Variants in FCAR observed in about 807,000 individuals in gnomAD.
FCAR encodes the protein immunoglobulin alpha Fc receptor.
FCAR carries 21 observed loss-of-function variants against 27.1 expected under a neutral mutation model. The ratio of observed to expected loss-of-function variants is 0.77; its 90% CI spans 0.55 to 1.11. The LOEUF is 1.11. Ranked by LOEUF, FCAR falls within the 50% of genes most tolerant of loss-of-function variation. The pLI is 0.00. For synonymous variants in FCAR, 134 were observed against 135.8 expected (o/e 0.99, Z 0.09); for missense variants, 404 against 358.4 (o/e 1.13, Z -1.03).
intron 3 of FCAR, 62 bp from the exon 4 acceptor site, chr19:54,887,945 A>G: frequency 7.7e-7 from 1 of 1,290,600 alleles, no homozygotes; most frequent in South Asian, 1.5e-5. Flanking sequence ...TAACAATAAT[A>G]AGAAGAAGAA....
chr19:54,879,644 G>T (rs117707182), intron 2 of FCAR, among the ~76,000 whole-genome samples: 1,999 of 151,110 alleles, frequency 0.013, 25 homozygotes, highest in Middle Eastern at 0.048. Context: ...CTTTGTAGGT[G>T]ACCTGCCCCT....
chr19:54,889,797 G>A lies in FCAR; in HGVS notation c.798G>A (p.Pro266=), dbSNP rs1238830290. ...AAGCCTCGGCAGATGTGGCTGAACC[G>A]AGCTGGAGCCAACAGATGTGTCAGC... ...NKEASADVAE[P]SWSQQMCQPG... Residue 266 remains proline (P), a synonymous_variant, in exon 5 of 5, where the codon CCG becomes CCA. Coordinates refer to ENST00000355524, the MANE Select transcript of FCAR (RefSeq NM_002000.4). 13 of 1,612,714 alleles carry A rather than the reference G, an allele frequency of 8.1e-6. No individual in the cohort carries two copies. The highest frequency in any genetic ancestry group is 1.0e-5 in the Non-Finnish European group (12 of 1,180,030).
At chr19:54,878,803 T>G in intron 2 of FCAR, among the ~76,000 whole-genome samples, 1 of 151,308 alleles carries the variant, frequency 6.6e-6, no homozygotes, top group East Asian at 1.9e-4. Context: ...TCTCCATTTC[T>G]TTACTTTGAG....
intron 3 of FCAR, 68 bp downstream of exon 3, chr19:54,885,593 A>G (rs2145910592): frequency 7.9e-7 from 1 of 1,258,444 alleles, no homozygotes; most frequent in East Asian, 2.4e-5. Context: ...AGTATTTTTC[A>G]AGAAGTTTTA....
At chr19:54,881,698 C>T (rs2066422789) in intron 2 of FCAR, among the ~76,000 whole-genome samples, 1 of 152,018 alleles carries the variant, frequency 6.6e-6, no homozygotes, top group Non-Finnish European at 1.5e-5. Flanking sequence ...TGGTGAAACC[C>T]CGTCTCTACT....
At chr19:54,879,355 G>A (rs762758813) in intron 2 of FCAR, among the ~76,000 whole-genome samples, 3 of 152,138 alleles carry the variant, frequency 2.0e-5, no homozygotes, top group East Asian at 1.9e-4. Flanking sequence ...GTTTATGTAC[G>A]TAAGTGTGTT....
intron 3 of FCAR, among the ~76,000 whole-genome samples, chr19:54,887,341 CT>C (rs1481376379): frequency 6.6e-6 from 1 of 152,104 alleles, no homozygotes; most frequent in Non-Finnish European, 1.5e-5. Flanking sequence ...AAAAAAGAGG[CT>C]GGGCACTGTG....
chr19:54,886,609 G>A (rs907190645), intron 3 of FCAR, among the ~76,000 whole-genome samples: 9 of 151,846 alleles, frequency 5.9e-5, no homozygotes, highest in African/African-American at 1.9e-4. Context: ...CCCGGCCCCC[G>A]AAAATGCTGG....
intron 1 of FCAR, among the ~76,000 whole-genome samples, 186 bp from the exon 2 acceptor site, chr19:54,875,144 T>C (rs561307883): frequency 5.3e-5 from 8 of 151,836 alleles, no homozygotes; most frequent in African/African-American, 1.9e-4. Flanking sequence ...GCACTCCAGC[T>C]TGGGCGACAC....
chr19:54,883,985 C>G (rs114375124), intron 2 of FCAR, among the ~76,000 whole-genome samples: 2,353 of 152,254 alleles, frequency 0.015, 61 homozygotes, highest in African/African-American at 0.054. Flanking sequence ...AAGAAAAACA[C>G]AGAGCTGCAC....
chr19:54,888,871 T>C, intron 4 of FCAR: 1 of 985,750 alleles, frequency 1.0e-6, no homozygotes, highest in Non-Finnish European at 1.2e-6. Context: ...ATTAGGTATT[T>C]AGTGAATTCA....
chr19:54,885,746 C>T (rs756899597), intron 3 of FCAR, among the ~76,000 whole-genome samples: 1 of 152,236 alleles, frequency 6.6e-6, no homozygotes. Context: ...TTCCCAGCTA[C>T]AGTCTACAGT....
chr19:54,875,211 T>G, intron 1 of FCAR, 119 bp from the exon 2 acceptor site: 3 of 734,500 alleles, frequency 4.1e-6, no homozygotes, highest in South Asian at 1.8e-5. Flanking sequence ...ATATATCTGG[T>G]GGGATTGAGC....
chr19:54,876,193 C>G (rs2066080854), intron 2 of FCAR, among the ~76,000 whole-genome samples: 3 of 152,288 alleles, frequency 2.0e-5, no homozygotes, highest in Admixed American at 2.0e-4. Flanking sequence ...TATCCTGGAA[C>G]TTTGCTAAAG....
intron 2 of FCAR, among the ~76,000 whole-genome samples, chr19:54,883,586 G>T (rs895426738): frequency 6.6e-6 from 1 of 152,134 alleles, no homozygotes; most frequent in African/African-American, 2.4e-5. Flanking sequence ...CGGCTTGGTC[G>T]CCACCTAACG....
intron 2 of FCAR, among the ~76,000 whole-genome samples, chr19:54,883,808 T>A (rs915291262): frequency 6.6e-6 from 1 of 151,636 alleles, no homozygotes; most frequent in African/African-American, 2.4e-5. Flanking sequence ...CAAAAAAAAA[T>A]TAGCCAGGCG....
chr19:54,886,012 T>A (rs1448910105), intron 3 of FCAR, among the ~76,000 whole-genome samples: 1 of 151,866 alleles, frequency 6.6e-6, no homozygotes, highest in Non-Finnish European at 1.5e-5. Context: ...TTTGGGTGGC[T>A]GAGGTGGGTG....
At chr19:54,886,919 A>G (rs587730100) in intron 3 of FCAR, among the ~76,000 whole-genome samples, 1 of 152,332 alleles carries the variant, frequency 6.6e-6, no homozygotes, top group South Asian at 2.1e-4. Flanking sequence ...AAAGGTTTAA[A>G]CTGTCCATGG....
chr19:54,877,633 G>C (rs1427953972), intron 2 of FCAR, among the ~76,000 whole-genome samples: 1 of 152,022 alleles, frequency 6.6e-6, no homozygotes, highest in African/African-American at 2.4e-5. Flanking sequence ...TTTCCTATGA[G>C]CTTTGGGGTT....
Sources: gnomAD v4.1 joint callset for allele counts (sites outside exome capture counted in the v4.1 genomes callset) on GRCh38, gnomAD v4.1.1 for gene constraint, MANE v1.5 for transcripts, NCBI Gene and HGNC (gene_info 2026-07-23, HGNC 2026-07-21) for gene names.